LRRC74B: variants seen among roughly 807,000 people sequenced by gnomAD.
LRRC74B encodes leucine-rich repeat-containing protein 74B.
Under a neutral mutation model 16.6 loss-of-function variants are expected in LRRC74B, and 30 were observed. The ratio of observed to expected loss-of-function variants is 1.80; its 90% CI spans 1.35 to 2.45. The LOEUF (loss-of-function observed/expected upper bound fraction) is 2.45. LRRC74B is among the 30% of genes most tolerant of loss of function. The pLI is 0.00. For missense variants in LRRC74B, 326 were observed against 202.4 expected (o/e 1.61, Z -3.71); for synonymous variants, 134 against 86.0 (o/e 1.56, Z -3.09).
At chr22:21,050,566 C>T (rs1421892230) in intron 4 of LRRC74B, among the ~76,000 whole-genome samples, 1 of 151,742 alleles carries the variant, frequency 6.6e-6, no homozygotes, top group Non-Finnish European at 1.5e-5. Context: ...ATCATGAGGT[C>T]AGGAGATCGA....
chr22:21,054,798 G>A (rs1930358092), intron 6 of LRRC74B, among the ~76,000 whole-genome samples: 1 of 152,242 alleles, frequency 6.6e-6, no homozygotes, highest in African/African-American at 2.4e-5. Context: ...AATGGTGATA[G>A]GCATGAGGTG....
exon 5 of LRRC74B, chr22:21,052,267 C>T: frequency 1.4e-6 from 1 of 717,544 alleles, no homozygotes. Flanking sequence ...CTTGGACCAG[C>T]CCTGGCAGAA....
chr22:21,048,223 C>T (rs545539452), intron 3 of LRRC74B: 76 of 566,250 alleles, frequency 1.3e-4, no homozygotes, highest in African/African-American at 1.3e-3. Flanking sequence ...CCTTTCCTCA[C>T]CCACCCCACA....
intron 2 of LRRC74B, among the ~76,000 whole-genome samples, 170 bp downstream of exon 2, chr22:21,047,668 G>A (rs1458042979): frequency 6.6e-6 from 1 of 152,200 alleles, no homozygotes; most frequent in Non-Finnish European, 1.5e-5. Flanking sequence ...GTGACAGGTG[G>A]CGTTAAGGGT....
chr22:21,053,471 A>G, exon 6 of LRRC74B: 1 of 716,848 alleles, frequency 1.4e-6, no homozygotes, highest in Non-Finnish European at 2.6e-6. Flanking sequence ...GGAACTCAAC[A>G]TGAGGTGAGG....
At chr22:21,060,310 G>T (rs1182646691) in intron 8 of LRRC74B, 63 bp from the exon 9 acceptor site, 1 of 636,338 alleles carries the variant, frequency 1.6e-6, no homozygotes, top group Non-Finnish European at 2.9e-6. Context: ...GCGTGTGTGA[G>T]TGAAAAATGG....
chr22:21,046,830 G>A (rs962329933), intron 1 of LRRC74B, among the ~76,000 whole-genome samples: 1 of 151,928 alleles, frequency 6.6e-6, no homozygotes, highest in African/African-American at 2.4e-5. Context: ...GGTGGCTCAC[G>A]CCTGTAATCA....
chr22:21,050,703 A>G (rs963243897), intron 4 of LRRC74B, among the ~76,000 whole-genome samples: 24 of 149,570 alleles, frequency 1.6e-4, no homozygotes, highest in African/African-American at 5.2e-4. Flanking sequence ...GCATGAACCC[A>G]GGAGGCGGAG....
chr22:21,062,008 A>G (rs1237009326), downstream of LRRC74B: 1 of 152,246 alleles, frequency 6.6e-6, no homozygotes, highest in Non-Finnish European at 1.5e-5. Context: ...TGTGAACGGC[A>G]TCTCAATAAA....
intron 3 of LRRC74B, chr22:21,048,520 G>A (rs1929681831): frequency 7.8e-6 from 2 of 258,050 alleles, no homozygotes; most frequent in South Asian, 1.1e-4. Flanking sequence ...GCTGTGGTGA[G>A]CATGAAGTGA....
At chr22:21,058,359 T>A (rs571677239) in intron 8 of LRRC74B, among the ~76,000 whole-genome samples, 19 of 152,064 alleles carry the variant, frequency 1.2e-4, no homozygotes, top group Non-Finnish European at 1.8e-4. Flanking sequence ...AAAAGCTTTT[T>A]AAAAAATTAG....
exon 2 of LRRC74B, chr22:21,047,393 G>A (rs1205198084): frequency 1.4e-6 from 1 of 717,438 alleles, no homozygotes; most frequent in South Asian, 1.5e-5. Context: ...GGGACACACT[G>A]TACCTGAGGT....
chr22:21,048,633 G>C, intron 3 of LRRC74B: 2 of 380,592 alleles, frequency 5.3e-6, no homozygotes, highest in South Asian at 6.4e-5. Flanking sequence ...GGCTGTGAGG[G>C]CTTCTGAAGT....
chr22:21,046,523 T>C (rs909195213), intron 1 of LRRC74B, among the ~76,000 whole-genome samples: 1 of 152,168 alleles, frequency 6.6e-6, no homozygotes, highest in African/African-American at 2.4e-5. Flanking sequence ...TCTGGCAGGA[T>C]TAGCTACCAC....
At chr22:21,063,638 A>G (rs999081210), downstream of LRRC74B, 3 of 152,186 alleles carry the variant, frequency 2.0e-5, no homozygotes, top group Non-Finnish European at 4.4e-5. Flanking sequence ...ATACCAGTGC[A>G]TTCCAGCCTG....
At position 21,047,501 on chromosome 22, in the gene LRRC74B, A is replaced by G. The variant is rs1002128459; in HGVS notation, c.282+3A>G. The G allele has an allele frequency of 5.6e-6, 4 of 717,196 alleles. No homozygotes were observed. Among genetic ancestry groups the G allele is most frequent in the African/African-American group, 5.2e-5 (3 of 57,258 alleles). The allele number at this position is 717,196 out of a possible 1,614,324, so 44.4% of individuals were successfully genotyped here. On this transcript the variant is annotated splice_donor_region_variant and intron_variant, in intron 2 of 8. Coordinates refer to ENST00000442047, the Ensembl canonical transcript of LRRC74B. ...GGCACCGTGGCCTGGGGCCCCAGGT[A>G]CCACTGGAGGGACACTGTATCCAGG...
chr22:21,053,377 A>T, exon 6 of LRRC74B: 2 of 716,700 alleles, frequency 2.8e-6, no homozygotes, highest in Non-Finnish European at 5.2e-6. Context: ...TCTTCCTTAA[A>T]GTTCTAGACA....
chr22:21,045,951 C>T (rs1240643087), upstream of LRRC74B: 4 of 713,502 alleles, frequency 5.6e-6, no homozygotes, highest in East Asian at 2.7e-5. Flanking sequence ...AAGCTGTCTC[C>T]GACTCAGTGT....
At chr22:21,061,213 G>A (rs939925373), downstream of LRRC74B, among the ~76,000 whole-genome samples, 9 of 152,056 alleles carry the variant, frequency 5.9e-5, no homozygotes, top group African/African-American at 7.2e-5. Context: ...TGTAATCCCC[G>A]CTACTCAGGA....
Sources: gnomAD v4.1 joint callset for allele counts (sites outside exome capture counted in the v4.1 genomes callset) on GRCh38, gnomAD v4.1.1 for gene constraint, MANE v1.5 for transcripts, NCBI Gene and HGNC (gene_info 2026-07-23, HGNC 2026-07-21) for gene names.